PLXNC1: variants seen among roughly 807,000 people sequenced by gnomAD.
PLXNC1 encodes plexin C1, also known as plexin-C1.
Under a neutral mutation model 178.2 loss-of-function variants are expected in PLXNC1, and 75 were observed. The ratio of observed to expected loss-of-function variants is 0.42; its 90% CI spans 0.35 to 0.51. The LOEUF is 0.51. PLXNC1 is among the 20% of genes least tolerant of loss of function. The pLI, the probability that PLXNC1 is intolerant of heterozygous loss-of-function variation, is 0.02. For synonymous variants in PLXNC1, 790 were observed against 779.9 expected (o/e 1.01, Z -0.22); for missense variants, 1,503 against 1,984.4 (o/e 0.76, Z 4.61).
At chr12:94,202,214 G>A (rs1310338640) in intron 4 of PLXNC1, among the ~76,000 whole-genome samples, 1 of 152,164 alleles carries the variant, frequency 6.6e-6, no homozygotes, top group African/African-American at 2.4e-5. Flanking sequence ...TATTTTAAAT[G>A]ATTGTCTGTT....
intron 12 of PLXNC1, among the ~76,000 whole-genome samples, chr12:94,245,913 A>G (rs1964516733): frequency 6.6e-6 from 1 of 152,248 alleles, no homozygotes; most frequent in South Asian, 2.1e-4. Context: ...TCTGAGCAGG[A>G]AGTGACATAG....
At chr12:94,204,876 T>C (rs1963251903) in intron 4 of PLXNC1, among the ~76,000 whole-genome samples, 1 of 152,212 alleles carries the variant, frequency 6.6e-6, no homozygotes, top group Admixed American at 6.5e-5. Context: ...GTTAAAAGTT[T>C]TCTGATATTA....
chr12:94,303,735 T>G, intron 28 of PLXNC1, 21 bp from the exon 29 acceptor site: 16 of 1,119,322 alleles, frequency 1.4e-5, no homozygotes, highest in African/African-American at 3.4e-5. Context: ...ATGGTTGCTT[T>G]TTTTTTTTTT....
chr12:94,218,084 A>C (rs1374022725), intron 5 of PLXNC1, among the ~76,000 whole-genome samples: 1 of 152,242 alleles, frequency 6.6e-6, no homozygotes, highest in African/African-American at 2.4e-5. Flanking sequence ...ACATATATGT[A>C]TACAAGATAA....
intron 23 of PLXNC1, among the ~76,000 whole-genome samples, chr12:94,289,348 T>C (rs1356244051): frequency 6.6e-6 from 1 of 152,152 alleles, no homozygotes; most frequent in African/African-American, 2.4e-5. Context: ...CCATTGATGA[T>C]TGGAGGGGAA....
At chr12:94,192,723 A>G (rs757026909) in intron 4 of PLXNC1, among the ~76,000 whole-genome samples, 6 of 152,086 alleles carry the variant, frequency 3.9e-5, no homozygotes, top group Non-Finnish European at 5.9e-5. Flanking sequence ...CATGCTGACT[A>G]ATATTCCATT....
At chr12:94,211,173 C>T (rs1249105277) in intron 5 of PLXNC1, among the ~76,000 whole-genome samples, 1 of 152,206 alleles carries the variant, frequency 6.6e-6, no homozygotes, top group Non-Finnish European at 1.5e-5. Flanking sequence ...TTCAAAACTG[C>T]TTACCACCCA....
At chr12:94,262,568 C>A in intron 20 of PLXNC1, 1 of 985,422 alleles carries the variant, frequency 1.0e-6, no homozygotes, top group Non-Finnish European at 1.2e-6. Context: ...GGTGAGGGGG[C>A]GGCTCGGCTC....
intron 4 of PLXNC1, among the ~76,000 whole-genome samples, chr12:94,196,759 A>G (rs1290043220): frequency 1.3e-5 from 2 of 152,204 alleles, no homozygotes; most frequent in Non-Finnish European, 2.9e-5. Flanking sequence ...GAATATGCTT[A>G]TCATACATTA....
chr12:94,176,438 C>T (rs1024841908), intron 2 of PLXNC1: 3 of 152,188 alleles, frequency 2.0e-5, no homozygotes, highest in Non-Finnish European at 4.4e-5. Flanking sequence ...GCAGAAATCC[C>T]TCACCCCTCT....
At chr12:94,193,629 A>C (rs17022166) in intron 4 of PLXNC1, among the ~76,000 whole-genome samples, 27,830 of 152,174 alleles carry the variant, frequency 0.18, 2,627 homozygotes, top group East Asian at 0.29. Flanking sequence ...GCTAGGCACC[A>C]GGTTAGACCC....
At chr12:94,270,000 A>G (rs895885110) in intron 21 of PLXNC1, among the ~76,000 whole-genome samples, 59 of 152,258 alleles carry the variant, frequency 3.9e-4, no homozygotes, top group African/African-American at 1.3e-3. Context: ...GAATTAGAAA[A>G]TAATTTAGTT....
intron 7 of PLXNC1, among the ~76,000 whole-genome samples, chr12:94,224,778 G>T (rs893003623): frequency 3.3e-5 from 5 of 152,152 alleles, no homozygotes; most frequent in African/African-American, 1.2e-4. Flanking sequence ...ATGGTGGTAT[G>T]TGCCTGTAGT....
chr12:94,232,361 T>A (rs1247364440), intron 9 of PLXNC1, among the ~76,000 whole-genome samples: 1 of 152,198 alleles, frequency 6.6e-6, no homozygotes, highest in African/African-American at 2.4e-5. Context: ...AGTGCTGGGA[T>A]TACAGGCATG....
chr12:94,272,093 C>A (rs915558687), intron 21 of PLXNC1: 14 of 152,202 alleles, frequency 9.2e-5, no homozygotes, highest in African/African-American at 3.4e-4. Flanking sequence ...TGGCCCTCTT[C>A]CCGGGCCTTC....
At chr12:94,227,096 A>G in intron 8 of PLXNC1, 53 bp from the exon 9 acceptor site, 1 of 1,126,144 alleles carries the variant, frequency 8.9e-7, no homozygotes, top group Non-Finnish European at 1.4e-6. Flanking sequence ...TGTTTGTTGC[A>G]CACTTTGAAT....
intron 4 of PLXNC1, among the ~76,000 whole-genome samples, chr12:94,192,714 A>C (rs1031689867): frequency 5.3e-5 from 8 of 152,120 alleles, no homozygotes; most frequent in Admixed American, 3.9e-4. Flanking sequence ...GGCTGACATC[A>C]TGCTGACTAA....
intron 15 of PLXNC1, among the ~76,000 whole-genome samples, chr12:94,253,664 G>A (rs771920604): frequency 1.3e-4 from 19 of 148,258 alleles, no homozygotes; most frequent in Non-Finnish European, 2.8e-4. Context: ...AGCAGAGCCC[G>A]TCTATTATGT....
intron 28 of PLXNC1, 116 bp downstream of exon 28, chr12:94,301,173 A>G: frequency 1.4e-6 from 1 of 691,076 alleles, no homozygotes; most frequent in Non-Finnish European, 2.3e-6. Flanking sequence ...CTAAAAAGAG[A>G]TAGCAAGGGC....
Sources: gnomAD v4.1 joint callset for allele counts (sites outside exome capture counted in the v4.1 genomes callset) on GRCh38, gnomAD v4.1.1 for gene constraint, MANE v1.5 for transcripts, NCBI Gene and HGNC (gene_info 2026-07-23, HGNC 2026-07-21) for gene names.